Variants in NELL1 observed in about 807,000 individuals in gnomAD.
NELL1 encodes protein kinase C-binding protein NELL1.
Under a neutral mutation model 107.4 loss-of-function variants are expected in NELL1, and 76 were observed. The observed-to-expected ratio is 0.71, with a 90% CI of 0.59 to 0.86. The LOEUF (loss-of-function observed/expected upper bound fraction) is 0.86, where lower values mean the gene tolerates loss of function less well. NELL1 is among the 40% of genes least tolerant of loss of function. The pLI, the probability that NELL1 is intolerant of heterozygous loss-of-function variation, is 0.00. For missense variants in NELL1, 1,024 were observed against 1,005.5 expected, an observed-to-expected ratio of 1.02 and a Z score of -0.25; for synonymous variants, 353 against 341.2, an observed-to-expected ratio of 1.03 and a Z score of -0.38.
At chr11:20,781,826 C>T (rs1170717406) in intron 2 of NELL1, among the ~76,000 whole-genome samples, 2 of 126,398 alleles carry the variant, frequency 1.6e-5, no homozygotes, top group African/African-American at 6.0e-5. Flanking sequence ...CTCAGGAGTT[C>T]AAGACCAGCC....
At chr11:20,925,946 T>C (rs1003819653) in intron 7 of NELL1, among the ~76,000 whole-genome samples, 2 of 152,142 alleles carry the variant, frequency 1.3e-5, no homozygotes, top group African/African-American at 4.8e-5. Context: ...AGAAAGATGG[T>C]GGAAGTCATT....
chr11:21,167,282 A>G (rs190468628), intron 13 of NELL1, among the ~76,000 whole-genome samples: 1 of 151,934 alleles, frequency 6.6e-6, no homozygotes, highest in Admixed American at 6.5e-5. Context: ...AAGAGACAAG[A>G]GAGACTCTTC....
intron 12 of NELL1, among the ~76,000 whole-genome samples, chr11:20,972,768 A>T (rs951472188): frequency 6.6e-6 from 1 of 152,136 alleles, no homozygotes; most frequent in Non-Finnish European, 1.5e-5. Flanking sequence ...AGGTGATAAG[A>T]TCCAGTTTGT....
intron 11 of NELL1, 104 bp downstream of exon 11, chr11:20,947,539 T>G: frequency 6.2e-6 from 5 of 805,468 alleles, no homozygotes; most frequent in Non-Finnish European, 1.1e-5. Context: ...GGTCCAAAAC[T>G]CTGTGCGCTG....
At chr11:20,766,589 A>G (rs554905008) in intron 2 of NELL1, among the ~76,000 whole-genome samples, 10 of 152,290 alleles carry the variant, frequency 6.6e-5, no homozygotes, top group African/African-American at 2.4e-4. Flanking sequence ...TGAGAGAGCA[A>G]CTTCCTGGGG....
intron 15 of NELL1, among the ~76,000 whole-genome samples, chr11:21,374,883 G>A (rs1851435035): frequency 1.1e-5 from 1 of 89,552 alleles, no homozygotes; most frequent in African/African-American, 4.0e-5. Context: ...CTGACTGTGT[G>A]TGTCTGTGTG....
At chr11:21,462,217 C>G (rs1853916552) in intron 15 of NELL1, among the ~76,000 whole-genome samples, 1 of 152,038 alleles carries the variant, frequency 6.6e-6, no homozygotes, top group African/African-American at 2.4e-5. Context: ...GAAGAGCATA[C>G]TAGGCCAAAT....
chr11:20,856,218 C>T (rs1848879598), intron 4 of NELL1, among the ~76,000 whole-genome samples: 1 of 152,144 alleles, frequency 6.6e-6, no homozygotes, highest in Non-Finnish European at 1.5e-5. Context: ...CCAGATTATC[C>T]TTTTTAGTTT....
At chr11:20,994,533 G>A (rs543665186) in intron 12 of NELL1, among the ~76,000 whole-genome samples, 2 of 151,858 alleles carry the variant, frequency 1.3e-5, no homozygotes. Flanking sequence ...CAAATAAATT[G>A]CTAATGAATA....
At chr11:20,975,945 ATATATGTACAT>A (rs1212880723) in intron 12 of NELL1, among the ~76,000 whole-genome samples, 2 of 131,336 alleles carry the variant, frequency 1.5e-5, no homozygotes, top group Non-Finnish European at 3.1e-5. Flanking sequence ...ATATGTGTAC[ATATATGTACAT>A]TATATATACA....
chr11:20,922,619 G>A (rs1850404362), intron 7 of NELL1, among the ~76,000 whole-genome samples: 1 of 152,096 alleles, frequency 6.6e-6, no homozygotes, highest in Non-Finnish European at 1.5e-5. Context: ...GCAGAATTCA[G>A]TTAATAGGGC....
chr11:20,966,800 C>G (rs949404307), intron 12 of NELL1, among the ~76,000 whole-genome samples: 17 of 152,086 alleles, frequency 1.1e-4, no homozygotes, highest in African/African-American at 3.6e-4. Flanking sequence ...CTCTCCTACC[C>G]ACTTGAAATC....
intron 15 of NELL1, among the ~76,000 whole-genome samples, chr11:21,525,277 A>G (rs1019868980): frequency 8.5e-5 from 13 of 152,214 alleles, no homozygotes; most frequent in African/African-American, 3.1e-4. Flanking sequence ...AATAGCAGGT[A>G]CCTTTCAGAT....
At chr11:21,258,211 C>A (rs889777521) in intron 14 of NELL1, among the ~76,000 whole-genome samples, 1 of 151,968 alleles carries the variant, frequency 6.6e-6, no homozygotes, top group Non-Finnish European at 1.5e-5. Flanking sequence ...CATTTGAGGA[C>A]AAGGGAAAAT....
intron 15 of NELL1, among the ~76,000 whole-genome samples, chr11:21,447,004 T>A (rs144922589): frequency 7.2e-4 from 110 of 152,260 alleles, no homozygotes; most frequent in Middle Eastern, 6.8e-3. Flanking sequence ...TTTTTCCTAT[T>A]CTTTCCTCCT....
intron 13 of NELL1, among the ~76,000 whole-genome samples, chr11:21,168,593 T>C (rs1410831241): frequency 6.6e-6 from 1 of 151,834 alleles, no homozygotes; most frequent in Admixed American, 6.6e-5. Flanking sequence ...TTCAGTTGTG[T>C]TCAGTGATAC....
chr11:21,400,743 G>A (rs1262911064), intron 15 of NELL1, among the ~76,000 whole-genome samples: 1 of 151,850 alleles, frequency 6.6e-6, no homozygotes, highest in Non-Finnish European at 1.5e-5. Context: ...TCACGAATAC[G>A]TCACCCTTTG....
intron 5 of NELL1, among the ~76,000 whole-genome samples, chr11:20,916,026 G>A (rs150335991): frequency 8.2e-4 from 124 of 151,580 alleles, no homozygotes; most frequent in African/African-American, 2.8e-3. Context: ...TTTTAATCCA[G>A]CATTGACTTA....
At chr11:21,342,705 GA>G (rs1376150240) in intron 14 of NELL1, among the ~76,000 whole-genome samples, 1 of 20,086 alleles carries the variant, frequency 5.0e-5, no homozygotes, top group Non-Finnish European at 1.2e-4. Flanking sequence ...GGAAGAGGGA[GA>G]GAGAGAGAGA....
Sources: gnomAD v4.1 joint callset for allele counts (sites outside exome capture counted in the v4.1 genomes callset) on GRCh38, gnomAD v4.1.1 for gene constraint, MANE v1.5 for transcripts, NCBI Gene and HGNC (gene_info 2026-07-23, HGNC 2026-07-21) for gene names.